Variants in MYRFL observed in about 807,000 individuals in gnomAD.
The protein encoded by MYRFL is myelin regulatory factor like, also known as myelin regulatory factor-like protein.
A neutral mutation model predicts 109.4 loss-of-function variants in MYRFL; 88 were observed. That is an observed-to-expected ratio of 0.80 (90% CI 0.68 to 0.96). The LOEUF is 0.96. Ranked by LOEUF, MYRFL falls within the 40% of genes least tolerant of loss-of-function variation. MYRFL has a pLI of 0.00. For missense variants in MYRFL, 957 were observed against 954.9 expected, an observed-to-expected ratio of 1.00 and a Z score of -0.03; for synonymous variants, 324 against 320.9, an observed-to-expected ratio of 1.01 and a Z score of -0.10.
At chr12:69,873,781 GA>G (rs1313535164) in intron 2 of MYRFL, among the ~76,000 whole-genome samples, 1 of 151,854 alleles carries the variant, frequency 6.6e-6, no homozygotes, top group Admixed American at 6.6e-5. Flanking sequence ...CTTAGAAAGT[GA>G]AACCATGGAT....
intron 2 of MYRFL, among the ~76,000 whole-genome samples, chr12:69,865,837 A>T (rs1267985194): frequency 6.6e-6 from 1 of 152,132 alleles, no homozygotes; most frequent in Non-Finnish European, 1.5e-5. Flanking sequence ...GAGGTGGGTG[A>T]TGGGGCTTGC....
intron 2 of MYRFL, among the ~76,000 whole-genome samples, chr12:69,866,128 T>C (rs1200310610): frequency 6.6e-6 from 1 of 152,114 alleles, no homozygotes; most frequent in Non-Finnish European, 1.5e-5. Flanking sequence ...TTTAGGTTAA[T>C]TGATATTTTA....
chr12:69,898,480 C>T (rs1365139800), intron 10 of MYRFL, among the ~76,000 whole-genome samples: 4 of 152,138 alleles, frequency 2.6e-5, no homozygotes, highest in Admixed American at 6.5e-5. Flanking sequence ...CCTCTCCTTG[C>T]GTCATAAGCC....
chr12:69,881,037 A>C lies in MYRFL; in HGVS notation c.556+745A>C, dbSNP rs187789473. ...CCTGATTAACAAAGTAGCCTTTTGA[A>C]GTCCAAAGACTTGAACTTCAAAATT... On this transcript the variant is annotated intron_variant, in intron 5 of 24. Transcript: ENST00000552032. Among the ~76,000 whole-genome samples the C allele has an allele frequency of 2.3e-3, 329 of 145,188 alleles. 1 individual carries two copies. The highest frequency in any genetic ancestry group is 7.7e-3 in the African/African-American group (297 of 38,748).
intron 4 of MYRFL, among the ~76,000 whole-genome samples, chr12:69,879,896 T>C (rs1387183095): frequency 6.6e-6 from 1 of 152,218 alleles, no homozygotes; most frequent in Non-Finnish European, 1.5e-5. Flanking sequence ...CTATCAAAAA[T>C]TGTGGTAAAA....
intron 2 of MYRFL, among the ~76,000 whole-genome samples, chr12:69,871,231 CTTTTTTTT>C (rs58723853): frequency 0.064 from 7,988 of 124,742 alleles, 754 homozygotes; most frequent in African/African-American, 0.22. Flanking sequence ...TTGGATATTT[CTTTTTTTT>C]TTTTTTTTTT....
chr12:69,882,881 T>C (rs1355579721), intron 5 of MYRFL, among the ~76,000 whole-genome samples: 1 of 152,226 alleles, frequency 6.6e-6, no homozygotes, highest in Non-Finnish European at 1.5e-5. Context: ...ATTCACACTG[T>C]AGCATCAGAA....
intron 1 of MYRFL, among the ~76,000 whole-genome samples, chr12:69,828,221 G>A (rs1298638352): frequency 2.0e-5 from 3 of 152,030 alleles, no homozygotes; most frequent in Non-Finnish European, 4.4e-5. Context: ...TTTCAGTGTG[G>A]TAGAGCTATG....
intron 11 of MYRFL, 123 bp from the exon 12 acceptor site, chr12:69,909,845 TG>T: frequency 1.4e-6 from 1 of 724,958 alleles, no homozygotes; most frequent in Non-Finnish European, 2.2e-6. Context: ...GGAATCCACT[TG>T]AAGAAATTAT....
intron 20 of MYRFL, 70 bp from the exon 21 acceptor site, chr12:69,952,729 T>C (rs1419472342): frequency 3.7e-6 from 4 of 1,093,092 alleles, no homozygotes; most frequent in South Asian, 1.6e-5. Context: ...TTGAGGACTG[T>C]GGCTGGAATA....
intron 19 of MYRFL, among the ~76,000 whole-genome samples, chr12:69,944,533 G>C (rs1329376022): frequency 6.9e-6 from 1 of 144,292 alleles, no homozygotes; most frequent in Non-Finnish European, 1.5e-5. Context: ...GAGGACTGTT[G>C]TGGGGTTGGG....
intron 11 of MYRFL, among the ~76,000 whole-genome samples, chr12:69,906,653 T>C (rs533558975): frequency 6.6e-6 from 1 of 152,250 alleles, no homozygotes; most frequent in East Asian, 1.9e-4. Context: ...AAGACAAAAG[T>C]AGACATGAAA....
chr12:69,956,949 A>C (rs933642346), intron 22 of MYRFL, among the ~76,000 whole-genome samples: 1 of 152,216 alleles, frequency 6.6e-6, no homozygotes, highest in Admixed American at 6.5e-5. Context: ...GTTATATGCT[A>C]TATCCCCTGA....
intron 9 of MYRFL, among the ~76,000 whole-genome samples, chr12:69,896,944 G>A (rs1010988262): frequency 6.6e-6 from 1 of 152,330 alleles, no homozygotes; most frequent in South Asian, 2.1e-4. Flanking sequence ...CACCAACTGG[G>A]CAAAGAGCTG....
intron 22 of MYRFL, among the ~76,000 whole-genome samples, chr12:69,956,451 A>C (rs1480471788): frequency 6.6e-6 from 1 of 152,190 alleles, no homozygotes; most frequent in African/African-American, 2.4e-5. Context: ...GCACTTAAAG[A>C]CTTTCCACTA....
intron 21 of MYRFL, among the ~76,000 whole-genome samples, chr12:69,953,995 T>A (rs1413972110): frequency 6.6e-6 from 1 of 152,166 alleles, no homozygotes; most frequent in Non-Finnish European, 1.5e-5. Context: ...GCTTTATGAT[T>A]TATGACCTCT....
intron 2 of MYRFL, among the ~76,000 whole-genome samples, chr12:69,876,934 C>A (rs1172655237): frequency 1.3e-5 from 2 of 152,064 alleles, no homozygotes; most frequent in East Asian, 3.8e-4. Context: ...GAGAGTAAAC[C>A]TTTCCAACTT....
At chr12:69,935,854 G>T (rs1014047219) in intron 16 of MYRFL, 4 of 464,442 alleles carry the variant, frequency 8.6e-6, no homozygotes, top group Non-Finnish European at 1.5e-5. Context: ...TGCCAGGGCT[G>T]GGGGGCTGCT....
chr12:69,916,194 A>G (rs1954723924), intron 13 of MYRFL, among the ~76,000 whole-genome samples: 1 of 152,102 alleles, frequency 6.6e-6, no homozygotes, highest in Non-Finnish European at 1.5e-5. Context: ...TTATTGTCTA[A>G]GAGGGGGATG....
Sources: gnomAD v4.1 joint callset for allele counts (sites outside exome capture counted in the v4.1 genomes callset) on GRCh38, gnomAD v4.1.1 for gene constraint, MANE v1.5 for transcripts, NCBI Gene and HGNC (gene_info 2026-07-23, HGNC 2026-07-21) for gene names.